Variants in ATP9B observed in about 807,000 individuals in gnomAD.
ATP9B encodes probable phospholipid-transporting ATPase IIB.
ATP9B carries 110 observed loss-of-function variants against 146.1 expected under a neutral mutation model. The observed-to-expected ratio is 0.75, with a 90% CI of 0.65 to 0.88. The LOEUF (loss-of-function observed/expected upper bound fraction) is 0.88. ATP9B is among the 40% of genes least tolerant of loss of function. The pLI is 0.00. For missense variants in ATP9B, 1,499 were observed against 1,496.4 expected (o/e 1.00, Z -0.03); for synonymous variants, 604 against 569.7 (o/e 1.06, Z -0.86).
At chr18:79,189,371 A>T (rs2095340635) in intron 8 of ATP9B, among the ~76,000 whole-genome samples, 1 of 151,998 alleles carries the variant, frequency 6.6e-6, no homozygotes, top group African/African-American at 2.4e-5. Flanking sequence ...TTTGTCCTTG[A>T]ATAGACCTGT....
chr18:79,260,210 T>A (rs886648037), intron 12 of ATP9B, among the ~76,000 whole-genome samples: 1 of 152,108 alleles, frequency 6.6e-6, no homozygotes, highest in Admixed American at 6.5e-5. Flanking sequence ...AAACTTGCAA[T>A]CATGGCGGAA....
chr18:79,234,589 G>GCTTGCTGTGGGCC (rs2095822557), intron 11 of ATP9B, among the ~76,000 whole-genome samples: 3 of 150,534 alleles, frequency 2.0e-5, no homozygotes, highest in Non-Finnish European at 4.4e-5. Context: ...TGCTGTGGGT[G>GCTTGCTGTGGGCC]TGCTTGCTGT....
At position 79,372,197 on chromosome 18, in the gene ATP9B, GTCCCCTGCCTCCTGCCCCCT is replaced by G. The variant is rs1568860539; in HGVS notation, c.3013-627_3013-608del. Among the ~76,000 whole-genome samples the G allele has an allele frequency of 1.5e-3, 45 of 30,602 alleles. 1 individual carries two copies. Among genetic ancestry groups the G allele is most frequent in the African/African-American group, 4.9e-3 (42 of 8,544 alleles). The allele number at this position is 30,602 out of a possible 152,430, so 20.1% of individuals were successfully genotyped here. ...GAGCTCCCCTGCCTCCTGCCCCCTC[GTCCCCTGCCTCCTGCCCCCT>G]CGTCCCCTGCCTCCTGCCCCCTCGT... On this transcript the variant is annotated intron_variant, in intron 26 of 29. Coordinates refer to ENST00000426216, the MANE Select transcript of ATP9B (RefSeq NM_198531.5).
At chr18:79,149,081 T>G (rs182284374) in intron 6 of ATP9B, among the ~76,000 whole-genome samples, 4 of 152,364 alleles carry the variant, frequency 2.6e-5, no homozygotes, top group African/African-American at 9.6e-5. Flanking sequence ...GCATTCCAGT[T>G]TTCCCAAAAT....
intron 28 of ATP9B, among the ~76,000 whole-genome samples, chr18:79,374,921 G>A (rs2097094562): frequency 2.0e-5 from 3 of 152,192 alleles, no homozygotes; most frequent in Admixed American, 1.3e-4. Flanking sequence ...CATGCATCAC[G>A]GGCGTGGGCA....
At chr18:79,155,062 T>C (rs1262750244) in intron 7 of ATP9B, among the ~76,000 whole-genome samples, 1 of 152,248 alleles carries the variant, frequency 6.6e-6, no homozygotes, top group African/African-American at 2.4e-5. Flanking sequence ...TGATGGCTAT[T>C]TTGCATTTGC....
intron 9 of ATP9B, among the ~76,000 whole-genome samples, chr18:79,198,366 A>G (rs2095435902): frequency 6.6e-6 from 1 of 152,264 alleles, no homozygotes; most frequent in Non-Finnish European, 1.5e-5. Flanking sequence ...ACTTATAGTA[A>G]TATCACACAA....
chr18:79,327,726 C>T (rs1232949923), intron 15 of ATP9B, among the ~76,000 whole-genome samples: 2 of 141,302 alleles, frequency 1.4e-5, no homozygotes, highest in African/African-American at 5.4e-5. Context: ...TTAGCGTGCT[C>T]GCCGTGGTTA....
At chr18:79,104,776 C>A (rs2075541539) in intron 2 of ATP9B, among the ~76,000 whole-genome samples, 1 of 151,690 alleles carries the variant, frequency 6.6e-6, no homozygotes, top group South Asian at 2.1e-4. Flanking sequence ...GAGACAGGCA[C>A]TCTCTTGCCC....
At chr18:79,119,815 C>A (rs2094157307) in intron 4 of ATP9B, among the ~76,000 whole-genome samples, 2 of 152,138 alleles carry the variant, frequency 1.3e-5, no homozygotes, top group South Asian at 2.1e-4. Flanking sequence ...TGCATCTTAA[C>A]CTTTGATTGA....
intron 26 of ATP9B, chr18:79,359,707 TCATA>T (rs1365866053): frequency 2.3e-5 from 11 of 470,358 alleles, no homozygotes; most frequent in Non-Finnish European, 3.9e-5. Flanking sequence ...AGCTCTAATA[TCATA>T]CATACAATTA....
chr18:79,288,220 T>TA (rs2096464439), intron 13 of ATP9B, among the ~76,000 whole-genome samples: 1 of 150,292 alleles, frequency 6.7e-6, no homozygotes, highest in South Asian at 2.1e-4. Context: ...AGTGGGGTGT[T>TA]AAAGTCTCCC....
At chr18:79,209,135 C>CA (rs1467775712) in intron 10 of ATP9B, among the ~76,000 whole-genome samples, 2 of 152,218 alleles carry the variant, frequency 1.3e-5, no homozygotes, top group Non-Finnish European at 2.9e-5. Context: ...ACCATAGAGC[C>CA]AGGCTGCACA....
At chr18:79,375,518 C>G in intron 29 of ATP9B, 92 bp downstream of exon 29, 2 of 1,544,976 alleles carry the variant, frequency 1.3e-6, no homozygotes, top group African/African-American at 1.4e-5. Context: ...ACAAACCTTC[C>G]TCTAATTCAG....
chr18:79,076,668 G>T (rs564983247), intron 1 of ATP9B, among the ~76,000 whole-genome samples: 3 of 152,126 alleles, frequency 2.0e-5, no homozygotes, highest in African/African-American at 7.2e-5. Flanking sequence ...GGTTTGCTTA[G>T]TATCCTAATT....
Position 79,367,373 on chromosome 18 carries a change from T to C in ATP9B, c.3013-5452T>C, listed in dbSNP as rs12961399. Among the ~76,000 whole-genome samples, 50 of 62,560 alleles carry C rather than the reference T, an allele frequency of 8.0e-4. 1 individual carries two copies. Among genetic ancestry groups the C allele is most frequent in the Admixed American group, 1.6e-3 (10 of 6,072 alleles). 41.0% of individuals were successfully genotyped at this position (62,560 alleles called of 152,430 possible). On this transcript the variant is annotated intron_variant, in intron 26 of 29. Transcript: ENST00000426216. The stretch of plus-strand genomic sequence containing the variant: ...AGAGCACACATATCTTCACCTGCAC[T>C]GTGTGTACGCAGAGAAAGTGCCTCC...
chr18:79,193,410 A>G (rs577819749), intron 9 of ATP9B, 147 bp downstream of exon 9: 1 of 653,580 alleles, frequency 1.5e-6, no homozygotes, highest in Non-Finnish European at 2.5e-6. Context: ...TGAAGTTCTT[A>G]AGTGTACCCA....
intron 17 of ATP9B, among the ~76,000 whole-genome samples, chr18:79,331,501 T>C (rs957861818): frequency 1.3e-5 from 2 of 152,220 alleles, no homozygotes; most frequent in African/African-American, 2.4e-5. Context: ...AAATTCTATG[T>C]ACATTTATTT....
chr18:79,354,052 C>T (rs2096936613), intron 25 of ATP9B: 1 of 152,150 alleles, frequency 6.6e-6, no homozygotes, highest in Admixed American at 6.5e-5. Flanking sequence ...GAAAATGTTT[C>T]ATATAGAACC....
Sources: gnomAD v4.1 joint callset for allele counts (sites outside exome capture counted in the v4.1 genomes callset) on GRCh38, gnomAD v4.1.1 for gene constraint, MANE v1.5 for transcripts, NCBI Gene and HGNC (gene_info 2026-07-23, HGNC 2026-07-21) for gene names.